CCNB1: variants seen among roughly 807,000 people sequenced by gnomAD.
CCNB1 encodes the protein G2/mitotic-specific cyclin-B1.
In CCNB1, 26 loss-of-function variants were observed where a neutral mutation model predicts 44.4. The ratio of observed to expected loss-of-function variants is 0.59; its 90% confidence interval spans 0.43 to 0.81. The LOEUF is 0.81. Ranked by LOEUF, CCNB1 falls within the 40% of genes least tolerant of loss-of-function variation. The probability of loss-of-function intolerance (pLI) is 0.00; values close to 1 mark genes in which losing one functional copy is unlikely to be tolerated. For missense variants in CCNB1, 477 were observed against 520.9 expected (o/e 0.92, Z 0.82); for synonymous variants, 195 against 181.4 (o/e 1.08, Z -0.60).
In CCNB1 at chr5:69,175,063, G is replaced by C; in HGVS notation, c.892G>C (p.Gly298Arg). 1 of 1,614,136 alleles carries C rather than the reference G, an allele frequency of 6.2e-7. No homozygotes were observed. Among genetic ancestry groups the C allele is most frequent in the South Asian group, 1.1e-5 (1 of 91,090 alleles). The change falls in exon 6 of 9, where the codon GGT becomes CGT. Residue 298 changes from glycine to arginine, a missense_variant. Physicochemically the swap from Gly to Arg is moderately radical, Grantham distance 125. Transcript: ENST00000256442. ...KILRALNFGL[G>R]RPLPLHFLRR... ...TCTAAGAGCTTTAAACTTTGGTCTG[G>C]GTCGGCCTCTACCTTTGCACTTCCT...
intron 7 of CCNB1, chr5:69,176,963 C>G: frequency 3.9e-6 from 1 of 254,352 alleles, no homozygotes; most frequent in Non-Finnish European, 7.6e-6. Flanking sequence ...GAGCGAGACT[C>G]CATCTCAAAA....
In CCNB1 at chr5:69,167,300, T is replaced by C. The variant is rs778881903; in HGVS notation, c.21+17T>C. ...GTCACCAGGGTGAGCCGCTTCGGAC[T>C]GCGAACTAACGCGGCCTTCTTAGCT... is the stretch of plus-strand genomic sequence containing the variant. On this transcript the variant is annotated intron_variant, in intron 1 of 8. Coordinates refer to ENST00000256442, the MANE Select transcript of CCNB1 (RefSeq NM_031966.4). 1 of 1,600,802 alleles carries C rather than the reference T, an allele frequency of 6.2e-7. No homozygotes were observed. The highest frequency in any genetic ancestry group is 2.3e-5 in the East Asian group (1 of 44,302).
At chr5:69,176,375 G>C (rs961226943) in intron 7 of CCNB1, among the ~76,000 whole-genome samples, 1 of 150,090 alleles carries the variant, frequency 6.7e-6, no homozygotes, top group Non-Finnish European at 1.5e-5. Context: ...TTGTTTTTTC[G>C]AGACGGAGTC....
rs751323295 is a variant in CCNB1, at chr5:69,177,708, A to G, written c.*77A>G. 2.9e-5 allele frequency: 24 copies of G among 825,460 alleles called. No individual in the cohort carries two copies. The highest frequency in any genetic ancestry group is 1.8e-4 in the South Asian group (11 of 61,778). 51.1% of individuals were successfully genotyped at this position (825,460 alleles called of 1,614,324 possible). ...TGCCATCTGTACATATTACTGTTGC[A>G]TTTACTTTTAATAAAGCTTGTGGCC... On this transcript the variant is annotated 3_prime_UTR_variant, in exon 9 of 9. Transcript: ENST00000256442.
chr5:69,174,953 TG>T lies in CCNB1; in HGVS notation c.783del (p.Met261IlefsTer12). 1 of 1,614,156 alleles carries T rather than the reference TG, an allele frequency of 6.2e-7. No individual in the cohort carries two copies. The highest frequency in any genetic ancestry group is 8.5e-7 in the Non-Finnish European group (1 of 1,180,024). ...AMFIASKYEE[M>X]YPPEIGDFAF... The stretch of plus-strand genomic sequence containing the variant: ...TTTATTGCAAGCAAATATGAAGAAA[TG>T]TACCCTCCAGAAATTGGTGACTTTG... On this transcript the variant is annotated frameshift_variant, in exon 6 of 9. Transcript: ENST00000256442. LOFTEE classifies it high-confidence loss of function.
intron 5 of CCNB1, among the ~76,000 whole-genome samples, 160 bp from the exon 6 acceptor site, chr5:69,174,717 A>G (rs1194235725): frequency 1.3e-5 from 2 of 151,916 alleles, no homozygotes; most frequent in African/African-American, 2.4e-5. Context: ...TCAAAAAAAA[A>G]AGAAAGAAAT....
intron 7 of CCNB1, among the ~76,000 whole-genome samples, chr5:69,175,982 A>AATATATATATATATATATATATATATAT (rs68140968): frequency 1.4e-4 from 16 of 116,392 alleles, no homozygotes; most frequent in South Asian, 3.0e-4. Flanking sequence ...AAATATATAA[A>AATATATATATATATATATATATATATAT]ATATATATAT....
Position 69,177,505 on chromosome 5 carries a change from C to G in CCNB1, c.1195-19C>G. On this transcript the variant is annotated intron_variant, in intron 8 of 8. Transcript: ENST00000256442. ...TTTTTTTCTTTTGCCTCTTTAATTGCTATCTTTTTGTCTTCCAGACTGTCA... is the reference window on the plus strand; with the variant it reads ...TTTTTTTCTTTTGCCTCTTTAATTGGTATCTTTTTGTCTTCCAGACTGTCA... 1 of 1,541,222 alleles carries G rather than the reference C, an allele frequency of 6.5e-7. No individual in the cohort carries two copies. The highest frequency in any genetic ancestry group is 1.1e-5 in the South Asian group (1 of 88,016).
chr5:69,173,688 A>G (rs1298418020), intron 4 of CCNB1, among the ~76,000 whole-genome samples: 1 of 152,210 alleles, frequency 6.6e-6, no homozygotes, highest in Non-Finnish European at 1.5e-5. Context: ...GTGGACCAGC[A>G]GCAGTTGTGG....
chr5:69,170,792 A>AT (rs1434756874), intron 3 of CCNB1, among the ~76,000 whole-genome samples: 1 of 152,038 alleles, frequency 6.6e-6, no homozygotes, highest in Non-Finnish European at 1.5e-5. Context: ...TGCCCAGCTA[A>AT]TTTTTTGTAG....
chr5:69,176,538 A>ATT (rs1296935573), intron 7 of CCNB1, among the ~76,000 whole-genome samples: 2,075 of 124,000 alleles, frequency 0.017, 50 homozygotes, highest in African/African-American at 0.07. Context: ...ATATATATAT[A>ATT]TATATTTTTT....
chr5:69,168,103 C>G, intron 2 of CCNB1, 25 bp downstream of exon 2: 1 of 1,611,504 alleles, frequency 6.2e-7, no homozygotes, highest in Non-Finnish European at 8.5e-7. Flanking sequence ...GACCTAACTT[C>G]TGTAAGAGCC....
rs757429226 is a variant in CCNB1, at chr5:69,167,889, G to C, written c.22-19G>C. The C allele has an allele frequency of 1.3e-6, 2 of 1,598,236 alleles. No individual in the cohort carries two copies. Among genetic ancestry groups the C allele is most frequent in the East Asian group, 4.5e-5 (2 of 44,786 alleles). Reference sequence around the variant, plus strand: ...GAGCCTTCGTGGATCAGCTCTTAAAGTGGTCTTGCTTCTTTCAGAACTCGA... The same window carrying C: ...GAGCCTTCGTGGATCAGCTCTTAAACTGGTCTTGCTTCTTTCAGAACTCGA... On this transcript the variant is annotated intron_variant, in intron 1 of 8. Transcript: ENST00000256442.
rs112719471 is a variant in CCNB1, at chr5:69,175,606, T to C, written c.1083+69T>C. On this transcript the variant is annotated intron_variant, in intron 7 of 8. Coordinates refer to ENST00000256442, the MANE Select transcript of CCNB1 (RefSeq NM_031966.4). ...GAGTGACTAAATACAGAACTTTTGTTATTAAAAGGCAATTCAAGTGGTTCA... is the reference window on the plus strand; with the variant it reads ...GAGTGACTAAATACAGAACTTTTGTCATTAAAAGGCAATTCAAGTGGTTCA... 2.1e-4 allele frequency: 300 copies of C among 1,452,782 alleles called. 1 individual carries two copies. In the African/African-American group the frequency reaches 3.3e-3, roughly 16 times the overall value. 90.0% of individuals were successfully genotyped at this position (1,452,782 alleles called of 1,614,324 possible). A position where few individuals can be genotyped will look rare whatever the true frequency, so the allele number is the denominator to read the frequency against.
chr5:69,175,979 T>TAA (rs1206898346), intron 7 of CCNB1, among the ~76,000 whole-genome samples: 1 of 81,684 alleles, frequency 1.2e-5, no homozygotes, highest in Non-Finnish European at 2.2e-5. Flanking sequence ...AAAAAATATA[T>TAA]AAAATATATA....
At position 69,171,366 on chromosome 5, in the gene CCNB1, A is replaced by C. The variant is rs1292829640; in HGVS notation, c.460A>C (p.Asn154His). The change falls in exon 4 of 9, where the codon AAT becomes CAT. Residue 154 changes from asparagine to histidine, a missense_variant. By Grantham distance (68) the Asn-to-His change is moderately conservative. Transcript: ENST00000256442. ...TTTCTCTGATGTAATTCTTGCAGTAAATGATGTGGATGCAGAAGATGGAGC... is the reference window on the plus strand; with the variant it reads ...TTTCTCTGATGTAATTCTTGCAGTACATGATGTGGATGCAGAAGATGGAGC... ...QAFSDVILAV[N>H]DVDAEDGADP... The C allele has an allele frequency of 3.1e-6, 5 of 1,614,076 alleles. No homozygotes were observed. Among genetic ancestry groups the C allele is most frequent in the Non-Finnish European group, 4.2e-6 (5 of 1,179,948 alleles).
chr5:69,169,569 C>G (rs1003279940), intron 3 of CCNB1, among the ~76,000 whole-genome samples: 5 of 152,154 alleles, frequency 3.3e-5, no homozygotes, highest in Non-Finnish European at 7.4e-5. Context: ...AGCTAATAAC[C>G]TTTTCATCCT....
In CCNB1 at chr5:69,176,538, A is replaced by AT. The variant is rs1296935573; in HGVS notation, c.1084-700dup. On this transcript the variant is annotated intron_variant, in intron 7 of 8. Coordinates refer to ENST00000256442, the MANE Select transcript of CCNB1 (RefSeq NM_031966.4). ...CGCCCGGCTAATTTTATATATATAT[A>AT]TATATTTTTTTTTAGTAGAGATGGG... is the stretch of plus-strand genomic sequence containing the variant. Among the ~76,000 whole-genome samples the AT allele has an allele frequency of 2.7e-3, 341 of 124,040 alleles. 1 individual carries two copies. Among genetic ancestry groups the AT allele is most frequent in the East Asian group, 0.021 (102 of 4,774 alleles). The allele number at this position is 124,040 out of a possible 152,430, so 81.4% of individuals were successfully genotyped here. A position where few individuals can be genotyped will look rare whatever the true frequency, so the allele number is the denominator to read the frequency against.
intron 4 of CCNB1, among the ~76,000 whole-genome samples, chr5:69,172,827 G>T (rs964824178): frequency 7.2e-6 from 1 of 138,058 alleles, no homozygotes; most frequent in African/African-American, 2.7e-5. Flanking sequence ...AGGCTGGTGT[G>T]CAGTGGCACA....
Sources: allele counts gnomAD v4.1 joint callset (sites outside exome capture counted in the v4.1 genomes callset), GRCh38; gene constraint gnomAD v4.1.1; transcripts MANE v1.5; gene names NCBI Gene and HGNC (gene_info 2026-07-23, HGNC 2026-07-21).